The following TRHDE variants were observed in gnomAD, a reference collection of about 807,000 sequenced individuals.
The protein encoded by TRHDE is thyrotropin-releasing hormone-degrading ectoenzyme.
Under a neutral mutation model 125.7 loss-of-function variants are expected in TRHDE, and 72 were observed. That is an observed-to-expected ratio of 0.57 (90% CI 0.47 to 0.70). The LOEUF (loss-of-function observed/expected upper bound fraction) is 0.70, where lower values mean the gene tolerates loss of function less well. Among genes scored for constraint, TRHDE ranks in the 30% least tolerant of loss-of-function variants. The pLI is 0.00. For synonymous variants in TRHDE, 509 were observed against 509.1 expected (o/e 1.00, Z 0.00); for missense variants, 1,110 against 1,327.1 (o/e 0.84, Z 2.54).
intron 15 of TRHDE, among the ~76,000 whole-genome samples, chr12:72,651,475 A>G (rs1874502408): frequency 6.6e-6 from 1 of 152,080 alleles, no homozygotes; most frequent in Admixed American, 6.6e-5. Context: ...ATTAATGAGA[A>G]ATTTGATAAT....
chr12:72,218,846 T>C (rs1007104545), intron 2 of TRHDE, among the ~76,000 whole-genome samples: 1 of 152,158 alleles, frequency 6.6e-6, no homozygotes, highest in Non-Finnish European at 1.5e-5. Context: ...CTTGTAATCC[T>C]TAACCTAATT....
At chr12:72,365,876 CTG>C (rs1871320350) in intron 2 of TRHDE, among the ~76,000 whole-genome samples, 1 of 152,136 alleles carries the variant, frequency 6.6e-6, no homozygotes, top group Non-Finnish European at 1.5e-5. Context: ...AAACCAAGGA[CTG>C]TGGAGGGCTG....
At chr12:72,434,039 G>A (rs1185707642) in intron 3 of TRHDE, among the ~76,000 whole-genome samples, 2 of 152,078 alleles carry the variant, frequency 1.3e-5, no homozygotes, top group Non-Finnish European at 2.9e-5. Flanking sequence ...AGTGAGGACT[G>A]AAGTGCCACA....
intron 2 of TRHDE, among the ~76,000 whole-genome samples, chr12:72,173,233 G>A (rs1360972606): frequency 2.0e-5 from 3 of 152,072 alleles, no homozygotes; most frequent in African/African-American, 7.2e-5. Flanking sequence ...TGTCACAATT[G>A]GGCAGAATAA....
At chr12:72,219,652 T>C (rs1877963850) in intron 2 of TRHDE, among the ~76,000 whole-genome samples, 1 of 152,116 alleles carries the variant, frequency 6.6e-6, no homozygotes, top group South Asian at 2.1e-4. Context: ...TTGATGACCA[T>C]TACTAAAGGT....
chr12:72,215,643 T>G (rs2139364746), intron 2 of TRHDE, among the ~76,000 whole-genome samples: 1 of 152,270 alleles, frequency 6.6e-6, no homozygotes, highest in Middle Eastern at 3.4e-3. Context: ...TTTTCAAGGC[T>G]TATTATGATT....
At chr12:72,146,747 C>T (rs1040070124) in intron 2 of TRHDE, among the ~76,000 whole-genome samples, 1 of 152,342 alleles carries the variant, frequency 6.6e-6, no homozygotes, top group African/African-American at 2.4e-5. Context: ...CAGTGTTAAT[C>T]AGCTCAATGA....
chr12:72,094,733 A>G (rs1011063944), intron 1 of TRHDE, among the ~76,000 whole-genome samples: 6 of 152,226 alleles, frequency 3.9e-5, no homozygotes, highest in African/African-American at 1.4e-4. Flanking sequence ...TCAAGGCCAA[A>G]TAAGGTTGCA....
At chr12:72,625,386 C>T (rs991894079) in intron 15 of TRHDE, among the ~76,000 whole-genome samples, 1 of 151,280 alleles carries the variant, frequency 6.6e-6, no homozygotes, top group East Asian at 2.0e-4. Flanking sequence ...AAAAAAATAC[C>T]CTGAAACAAC....
intron 2 of TRHDE, among the ~76,000 whole-genome samples, chr12:72,128,667 G>A (rs1414555944): frequency 6.6e-6 from 1 of 152,156 alleles, no homozygotes; most frequent in Non-Finnish European, 1.5e-5. Flanking sequence ...AATGGCAGAT[G>A]ACATATCACA....
chr12:72,372,937 G>C lies in TRHDE; in HGVS notation c.1189-5058G>C, dbSNP rs865960756. Among the ~76,000 whole-genome samples the C allele has an allele frequency of 8.5e-4, 130 of 152,286 alleles. 1 individual carries two copies. The highest frequency in any genetic ancestry group is 3.4e-3 in the Middle Eastern group (1 of 294). On this transcript the variant is annotated intron_variant, in intron 2 of 18. Transcript: ENST00000261180. ...TCCAATTCTGTGAAGAAAGTCATTGGTAGCTTGATGGGGATGGCATTGAAT... is the reference window on the plus strand; with the variant it reads ...TCCAATTCTGTGAAGAAAGTCATTGCTAGCTTGATGGGGATGGCATTGAAT...
intron 2 of TRHDE, among the ~76,000 whole-genome samples, chr12:72,314,386 A>G (rs1376146571): frequency 1.3e-5 from 2 of 149,352 alleles, no homozygotes; most frequent in Admixed American, 1.3e-4. Context: ...TTATAAATGC[A>G]AACTTGCAAT....
At position 72,667,897 on chromosome 12, in the gene TRHDE, T is replaced by A. The variant is rs1320418421; in HGVS notation, c.*4702T>A. On this transcript the variant is annotated 3_prime_UTR_variant, in exon 19 of 19. Transcript: ENST00000261180. ...AAGTTGCAGGAATACTTTAATCTAC[T>A]TACGAAAAAGTAGTTCAAGTTTTCT... is the stretch of plus-strand genomic sequence containing the variant. 6.6e-6 allele frequency: 1 copy of A among 151,764 alleles called. No homozygotes were observed. The highest frequency in any genetic ancestry group is 6.6e-5 in the Admixed American group (1 of 15,208). The allele number at this position is 151,764 out of a possible 1,614,324, so 9.4% of individuals were successfully genotyped here. A position where few individuals can be genotyped will look rare whatever the true frequency, so the allele number is the denominator to read the frequency against.
intron 2 of TRHDE, among the ~76,000 whole-genome samples, chr12:72,196,922 C>T (rs539851460): frequency 8.7e-4 from 132 of 152,156 alleles, no homozygotes; most frequent in Non-Finnish European, 9.6e-4. Context: ...GTAATTTATC[C>T]TAATTTCCTC....
At chr12:72,420,586 T>A (rs965288557) in intron 3 of TRHDE, among the ~76,000 whole-genome samples, 2 of 152,164 alleles carry the variant, frequency 1.3e-5, no homozygotes, top group African/African-American at 4.8e-5. Context: ...GCAGAGTTCA[T>A]TTCTGGAGAG....
intron 2 of TRHDE, among the ~76,000 whole-genome samples, chr12:72,374,128 G>T (rs1871756815): frequency 6.6e-6 from 1 of 152,102 alleles, no homozygotes; most frequent in African/African-American, 2.4e-5. Context: ...GATTCTGGAT[G>T]TATTGTTAAA....
At chr12:72,290,673 G>A (rs576500684) in intron 2 of TRHDE, among the ~76,000 whole-genome samples, 2 of 152,304 alleles carry the variant, frequency 1.3e-5, no homozygotes, top group East Asian at 3.9e-4. Context: ...TGGTGGTTGT[G>A]TCATCAGTCT....
intron 10 of TRHDE, among the ~76,000 whole-genome samples, chr12:72,569,600 G>A (rs1042455472): frequency 6.6e-6 from 1 of 152,134 alleles, no homozygotes; most frequent in East Asian, 1.9e-4. Context: ...GCAAGAAAAC[G>A]TTGTTACAGT....
chr12:72,281,043 A>C (rs61025385), intron 1 of TRHDE, among the ~76,000 whole-genome samples: 3,135 of 152,298 alleles, frequency 0.021, 114 homozygotes, highest in African/African-American at 0.071. Flanking sequence ...TATTTTTGGT[A>C]AGCATATTTA....
Sources: allele counts gnomAD v4.1 joint callset (sites outside exome capture counted in the v4.1 genomes callset), GRCh38; gene constraint gnomAD v4.1.1; transcripts MANE v1.5; gene names NCBI Gene and HGNC (gene_info 2026-07-23, HGNC 2026-07-21).